The following POLR3E variants were observed in gnomAD, a reference collection of about 807,000 sequenced individuals.
POLR3E encodes the protein DNA-directed RNA polymerase III subunit RPC5.
POLR3E carries 41 observed loss-of-function variants against 96.6 expected under a neutral mutation model. That is an observed-to-expected ratio of 0.42 (90% CI 0.33 to 0.55). POLR3E has a LOEUF of 0.55. Among genes scored for constraint, POLR3E ranks in the 20% least tolerant of loss-of-function variants. The probability of loss-of-function intolerance (pLI) is 0.06; values close to 1 mark genes in which losing one functional copy is unlikely to be tolerated. For missense variants in POLR3E, 849 were observed against 952.1 expected (o/e 0.89, Z 1.43); for synonymous variants, 396 against 383.6 (o/e 1.03, Z -0.38).
Position 22,313,128 on chromosome 16 carries a change from T to G in POLR3E, c.365-492T>G, listed in dbSNP as rs1297748798. Reference sequence around the variant, plus strand: ...CACTCCACCCAGTTCTAGCAGGGCCTCTTCTCCAGCCACAGTGGCACTAGT... The same window carrying G: ...CACTCCACCCAGTTCTAGCAGGGCCGCTTCTCCAGCCACAGTGGCACTAGT... On this transcript the variant is annotated intron_variant, in intron 6 of 20. Coordinates refer to ENST00000299853, the MANE Select transcript of POLR3E (RefSeq NM_018119.4). The surrounding 1 kb of genome is among the most constrained non-coding windows in gnomAD (Gnocchi z 4.1). Among the ~76,000 whole-genome samples, 7 of 152,062 alleles carry G rather than the reference T, an allele frequency of 4.6e-5. No homozygotes were observed. Among genetic ancestry groups the G allele is most frequent in the Non-Finnish European group, 1.5e-5 (1 of 68,002 alleles).
rs143904372 is a variant in POLR3E at position 22,335,054 on chromosome 16, T to C, written c.*1354T>C. On this transcript the variant is annotated 3_prime_UTR_variant, in exon 21 of 21. Transcript: ENST00000299853. Reference sequence around the variant, plus strand: ...TAACAAGTTGATCGTGTATTGATTCTGTTAACATATGTGAACCTGAAAAGT... The same window carrying C: ...TAACAAGTTGATCGTGTATTGATTCCGTTAACATATGTGAACCTGAAAAGT... 6.6e-5 allele frequency: 10 copies of C among 152,268 alleles called. No homozygotes were observed. Among genetic ancestry groups the C allele is most frequent in the African/African-American group, 2.4e-4 (10 of 41,472 alleles). 9.4% of individuals were successfully genotyped at this position (152,268 alleles called of 1,614,324 possible). A position where few individuals can be genotyped will look rare whatever the true frequency, so the allele number is the denominator to read the frequency against.
chr16:22,331,982 T>C, intron 19 of POLR3E, 78 bp from the exon 20 acceptor site: 1 of 1,467,256 alleles, frequency 6.8e-7, no homozygotes, highest in Non-Finnish European at 9.4e-7. Context: ...GTCAGGTGCA[T>C]GGCTTGGGTG....
rs374950557 is a variant in POLR3E at position 22,314,039 on chromosome 16, G to C, written c.473-40G>C. On this transcript the variant is annotated intron_variant, in intron 7 of 20. Transcript: ENST00000299853. ...TGGGGTTGAGAGAAGGGAGGTGGAG[G>C]CTCCCCAGGACTGCAGTCAGTGGCT... is the stretch of plus-strand genomic sequence containing the variant. 244 of 1,579,914 alleles carry C rather than the reference G, an allele frequency of 1.5e-4. 1 individual carries two copies. Among genetic ancestry groups the C allele is most frequent in the South Asian group, 9.4e-4 (85 of 90,328 alleles).
intron 1 of POLR3E, 164 bp from the exon 2 acceptor site, chr16:22,302,767 G>A: frequency 1.5e-6 from 1 of 658,188 alleles, no homozygotes; most frequent in Non-Finnish European, 2.8e-6. Context: ...TGGCTGATGG[G>A]GTATAGGGTT....
chr16:22,307,257 C>T (rs374681041), intron 3 of POLR3E, among the ~76,000 whole-genome samples: 1 of 152,182 alleles, frequency 6.6e-6, no homozygotes, highest in African/African-American at 2.4e-5. Flanking sequence ...AGCCTTCCCA[C>T]CCCCAGTCAG....
chr16:22,305,631 T>C, intron 3 of POLR3E: 1 of 370,226 alleles, frequency 2.7e-6, no homozygotes, highest in Non-Finnish European at 5.3e-6. Flanking sequence ...GGCAGAGAGT[T>C]GGTGCCAGTG....
chr16:22,314,915 G>A (rs1316647492), intron 8 of POLR3E, 174 bp from the exon 9 acceptor site: 3 of 601,510 alleles, frequency 5.0e-6, no homozygotes, highest in Non-Finnish European at 8.5e-6. Context: ...GGCGTGTGCA[G>A]GCAGCTCTGG....
At chr16:22,315,344 G>T in intron 9 of POLR3E, 136 bp downstream of exon 9, 1 of 953,540 alleles carries the variant, frequency 1.0e-6, no homozygotes, top group South Asian at 1.7e-5. Context: ...AGTCCTGTGG[G>T]CAGTTTACAC....
chr16:22,333,422 A>G (rs2048785182), intron 20 of POLR3E, among the ~76,000 whole-genome samples: 1 of 150,664 alleles, frequency 6.6e-6, no homozygotes, highest in African/African-American at 2.4e-5. Flanking sequence ...GTTGCACTCC[A>G]GCCTGGGTAA....
At chr16:22,314,193 G>A in intron 8 of POLR3E, 65 bp downstream of exon 8, 2 of 1,302,600 alleles carry the variant, frequency 1.5e-6, no homozygotes, top group Non-Finnish European at 2.2e-6. Context: ...AGACCAAGGG[G>A]TAGCGGGTCT....
At chr16:22,325,161 T>C (rs747598604) in intron 16 of POLR3E, 44 bp from the exon 17 acceptor site, 14 of 1,432,602 alleles carry the variant, frequency 9.8e-6, no homozygotes, top group Admixed American at 1.7e-5. Context: ...AAGCAGATGG[T>C]AGGGGACGTG....
chr16:22,313,334 A>G lies in POLR3E; in HGVS notation c.365-286A>G, dbSNP rs1567315922. Among the ~76,000 whole-genome samples the G allele has an allele frequency of 6.6e-6, 1 of 152,030 alleles. No individual in the cohort carries two copies. ...TGTTGCAAAGCGAGCAGCTGGGGAG[A>G]GGGGCGTGGAACCAGACTGGGAGGT... On this transcript the variant is annotated intron_variant, in intron 6 of 20. Transcript: ENST00000299853. The surrounding 1 kb of genome is among the most constrained non-coding windows in gnomAD (Gnocchi z 4.1).
intron 8 of POLR3E, 135 bp downstream of exon 8, chr16:22,314,263 C>G (rs994703656): frequency 3.9e-5 from 27 of 697,318 alleles, no homozygotes; most frequent in Admixed American, 1.1e-4. Flanking sequence ...GCTGGGCTAC[C>G]TGGAGGGAAC....
intron 19 of POLR3E, among the ~76,000 whole-genome samples, chr16:22,329,420 C>T (rs1242514227): frequency 6.6e-6 from 1 of 152,162 alleles, no homozygotes; most frequent in Non-Finnish European, 1.5e-5. Flanking sequence ...GACCCTGCAT[C>T]CCAGCTTTTC....
At position 22,309,086 on chromosome 16, in the gene POLR3E, A is replaced by G. The variant is rs779099915; in HGVS notation, c.281+46A>G. On this transcript the variant is annotated intron_variant, in intron 5 of 20. Transcript: ENST00000299853. ...CTGTCCGGTTTCCCTGCGTTCACACAGGAGCCTCCAAAAGACCTTAAAGAC... is the reference window on the plus strand; with the variant it reads ...CTGTCCGGTTTCCCTGCGTTCACACGGGAGCCTCCAAAAGACCTTAAAGAC... 22 of 1,353,006 alleles carry G rather than the reference A, an allele frequency of 1.6e-5. No individual in the cohort carries two copies. The Admixed American group carries it at 3.3e-4, about 20-fold the overall frequency. The allele number at this position is 1,353,006 out of a possible 1,614,324, so 83.8% of individuals were successfully genotyped here.
chr16:22,300,107 T>G (rs949064968), intron 1 of POLR3E, among the ~76,000 whole-genome samples: 5 of 152,190 alleles, frequency 3.3e-5, no homozygotes, highest in African/African-American at 1.2e-4. Context: ...CTTTTCACAT[T>G]GCAGGTTAAA....
intron 16 of POLR3E, 117 bp from the exon 17 acceptor site, chr16:22,325,088 C>T: frequency 1.2e-6 from 1 of 824,390 alleles, no homozygotes; most frequent in Non-Finnish European, 2.1e-6. Context: ...TGGCTGAGCT[C>T]CAAGCCTGCG....
chr16:22,314,199 G>C (rs2048309428), intron 8 of POLR3E, 71 bp downstream of exon 8: 2 of 1,231,948 alleles, frequency 1.6e-6, no homozygotes, highest in Non-Finnish European at 2.4e-6. Flanking sequence ...AGGGGTAGCG[G>C]GTCTTCACAG....
At position 22,325,874 on chromosome 16, in the gene POLR3E, G is replaced by C; in HGVS notation, c.1462G>C (p.Val488Leu). The C allele has an allele frequency of 1.2e-6, 2 of 1,611,202 alleles. No homozygotes were observed. The highest frequency in any genetic ancestry group is 1.7e-6 in the Non-Finnish European group (2 of 1,178,958). The change falls in exon 18 of 21, where the codon GTG (valine) becomes CTG (leucine). Residue 488 changes from valine (V) to leucine (L), a missense_variant. Coordinates refer to ENST00000299853, the MANE Select transcript of POLR3E (RefSeq NM_018119.4). Reference sequence around the variant, plus strand: ...GCAGCGGCGGAAGGAGCAGCTGCGGGTGCCTGCGGTCCCGCCCGGTGTGCG... The same window carrying C: ...GCAGCGGCGGAAGGAGCAGCTGCGGCTGCCTGCGGTCCCGCCCGGTGTGCG... ...ELQRRKEQLR[V>L]PAVPPGVRIK... is the part of the protein sequence containing the mutation.
Sources: allele counts gnomAD v4.1 joint callset (sites outside exome capture counted in the v4.1 genomes callset), GRCh38; gene constraint gnomAD v4.1.1; non-coding constraint Gnocchi (gnomAD v3.1); transcripts MANE v1.5; gene names NCBI Gene and HGNC (gene_info 2026-07-23, HGNC 2026-07-21).